Variants in RIPK1 observed in about 807,000 individuals in gnomAD.
The protein encoded by RIPK1 is receptor-interacting serine/threonine-protein kinase 1.
A neutral mutation model predicts 62.4 loss-of-function variants in RIPK1; 27 were observed. The ratio of observed to expected loss-of-function variants is 0.43; its 90% CI spans 0.32 to 0.60. The LOEUF (loss-of-function observed/expected upper bound fraction) is 0.60, where lower values mean the gene tolerates loss of function less well. RIPK1 is among the 20% of genes least tolerant of loss of function. The pLI, the probability that RIPK1 is intolerant of heterozygous loss-of-function variation, is 0.07. For synonymous variants in RIPK1, 287 were observed against 303.2 expected (o/e 0.95, Z 0.55); for missense variants, 735 against 831.0 (o/e 0.88, Z 1.42).
At chr6:3,101,936 C>G (rs112187830) in intron 7 of RIPK1, among the ~76,000 whole-genome samples, 1 of 152,166 alleles carries the variant, frequency 6.6e-6, no homozygotes, top group Non-Finnish European at 1.5e-5. Flanking sequence ...ACCTGCTAAA[C>G]GGTAACTCCC....
Position 3,077,803 on chromosome 6 carries a change from G to C in RIPK1, c.189G>C (p.Glu63Asp), listed in dbSNP as rs377207334. ...CIEHNEALLE[E>D]AKMMNRLRHS... ...GGCACAACGAGGCCCTCTTGGAGGA[G>C]GCGAAGATGATGAACAGACTGAGAC... The change falls in exon 3 of 11, where the codon GAG (glutamate) becomes GAC (aspartate). Residue 63 changes from glutamate to aspartate, a missense_variant. Glu to Asp is a conservative substitution (Grantham distance 45, BLOSUM62 2). Coordinates refer to ENST00000259808, the MANE Select transcript of RIPK1 (RefSeq NM_001354930.2). 1.2e-6 allele frequency: 2 copies of C among 1,614,106 alleles called. No individual in the cohort carries two copies. Among genetic ancestry groups the C allele is most frequent in the African/African-American group, 2.7e-5 (2 of 74,948 alleles).
Position 3,105,225 on chromosome 6 carries a change from T to G in RIPK1, c.1007-257T>G, listed in dbSNP as rs946130660. Among the ~76,000 whole-genome samples the G allele has an allele frequency of 6.6e-6, 1 of 152,160 alleles. No individual in the cohort carries two copies. The highest frequency in any genetic ancestry group is 1.9e-4 in the East Asian group (1 of 5,184). On this transcript the variant is annotated intron_variant, in intron 8 of 10. Transcript: ENST00000259808. This position sits in a 1 kb window ranked among gnomAD's most constrained non-coding sequence, Gnocchi z 4.5. The stretch of plus-strand genomic sequence containing the variant: ...TCTGCTCCAAACCAAGTCCCTTTTT[T>G]CCTTGATCATCCCTGCAACAGCCGC...
At chr6:3,103,954 A>G (rs1463452216) in intron 7 of RIPK1, among the ~76,000 whole-genome samples, 2 of 152,240 alleles carry the variant, frequency 1.3e-5, no homozygotes, top group Non-Finnish European at 2.9e-5. Context: ...CCCCACTGGC[A>G]TATGTGCCTG....
At chr6:3,085,734 T>TTC (rs1168115157) in intron 6 of RIPK1, among the ~76,000 whole-genome samples, 2 of 152,342 alleles carry the variant, frequency 1.3e-5, no homozygotes, top group Admixed American at 1.3e-4. Flanking sequence ...CCATAGTACA[T>TTC]TCACTTTCCA....
At chr6:3,101,408 C>T (rs986897069) in intron 7 of RIPK1, among the ~76,000 whole-genome samples, 1 of 152,144 alleles carries the variant, frequency 6.6e-6, no homozygotes, top group Non-Finnish European at 1.5e-5. Context: ...TGAGCTATGA[C>T]CATGCCACTG....
In RIPK1 at chr6:3,094,171, C is replaced by A. The variant is rs5029674; in HGVS notation, c.915+4514C>A. Reference sequence around the variant, plus strand: ...TACCTGCCGCACCTAGTAACTGTAGCGTACCTACCTGCTGCACCTAGTAAC... The same window carrying A: ...TACCTGCCGCACCTAGTAACTGTAGAGTACCTACCTGCTGCACCTAGTAAC... On this transcript the variant is annotated intron_variant, in intron 7 of 10. Coordinates refer to ENST00000259808, the MANE Select transcript of RIPK1 (RefSeq NM_001354930.2). 2.4e-3 allele frequency among the ~76,000 whole-genome samples: 309 copies of A among 126,582 alleles called. 17 individuals carry two copies. The highest frequency in any genetic ancestry group is 8.2e-3 in the Admixed American group (114 of 13,846). 83.0% of individuals were successfully genotyped at this position (126,582 alleles called of 152,430 possible).
intron 5 of RIPK1, among the ~76,000 whole-genome samples, chr6:3,084,299 A>G (rs1759574649): frequency 6.6e-6 from 1 of 152,090 alleles, no homozygotes. Flanking sequence ...CTTCAGGATG[A>G]AGTTCGAATT....
chr6:3,112,214 A>T (rs2113722827), intron 10 of RIPK1, among the ~76,000 whole-genome samples: 1 of 152,296 alleles, frequency 6.6e-6, no homozygotes, highest in East Asian at 1.9e-4. Context: ...CGCTTGAAAG[A>T]CAAGGAAGGC....
rs759690606 is a variant in RIPK1 at position 3,076,699 on chromosome 6, C to CATACATATATATAT, written c.-60-62_-60-61insCATATATATATATA. 3.4e-4 allele frequency: 75 copies of CATACATATATATAT among 217,770 alleles called. 3 individuals are homozygous for CATACATATATATAT. Among genetic ancestry groups the CATACATATATATAT allele is most frequent in the African/African-American group, 2.8e-3 (67 of 24,188 alleles). The allele number at this position is 217,770 out of a possible 1,614,324, so 13.5% of individuals were successfully genotyped here. On this transcript the variant is annotated intron_variant, in intron 1 of 10. Coordinates refer to ENST00000259808, the MANE Select transcript of RIPK1 (RefSeq NM_001354930.2). ...TGTCTCCAAAGGAGAAAAAAAAAAA[C>CATACATATATATAT]ATATATATATATATATATATATATA...
intron 1 of RIPK1, among the ~76,000 whole-genome samples, chr6:3,069,271 G>A (rs960935435): frequency 6.6e-6 from 1 of 152,252 alleles, no homozygotes; most frequent in African/African-American, 2.4e-5. Context: ...TGAGGCCGCA[G>A]CAGGTTCCAA....
intron 10 of RIPK1, among the ~76,000 whole-genome samples, chr6:3,111,858 C>A (rs1761175323): frequency 6.6e-6 from 1 of 152,266 alleles, no homozygotes; most frequent in Middle Eastern, 3.4e-3. Flanking sequence ...TGGAAAATAT[C>A]TTGGGAAGTT....
intron 9 of RIPK1, among the ~76,000 whole-genome samples, chr6:3,109,606 C>T (rs1473893319): frequency 6.6e-6 from 1 of 152,180 alleles, no homozygotes; most frequent in East Asian, 1.9e-4. Context: ...CTTCTGTTTT[C>T]TGACTTGGTG....
chr6:3,095,090 A>T (rs1760218213), intron 7 of RIPK1, among the ~76,000 whole-genome samples: 1 of 152,020 alleles, frequency 6.6e-6, no homozygotes, highest in Non-Finnish European at 1.5e-5. Flanking sequence ...ACTGACAAAA[A>T]AGGAGACAAG....
intron 7 of RIPK1, among the ~76,000 whole-genome samples, chr6:3,096,304 A>G (rs564697275): frequency 6.6e-6 from 1 of 152,340 alleles, no homozygotes; most frequent in African/African-American, 2.4e-5. Flanking sequence ...GGATGTGTAC[A>G]TAGAAAAACT....
chr6:3,080,031 TC>T (rs1479391305), intron 3 of RIPK1, among the ~76,000 whole-genome samples: 1 of 152,200 alleles, frequency 6.6e-6, no homozygotes, highest in Non-Finnish European at 1.5e-5. Context: ...CTTTGCTTAC[TC>T]AGAAGTTTTT....
At chr6:3,111,943 G>A (rs1581445301) in intron 10 of RIPK1, among the ~76,000 whole-genome samples, 1 of 152,220 alleles carries the variant, frequency 6.6e-6, no homozygotes, top group Non-Finnish European at 1.5e-5. Context: ...AAGAAGAGAG[G>A]TGGGAAGGAA....
chr6:3,105,400 C>A lies in RIPK1; in HGVS notation c.1007-82C>A. On this transcript the variant is annotated intron_variant, in intron 8 of 10. Coordinates refer to ENST00000259808, the MANE Select transcript of RIPK1 (RefSeq NM_001354930.2). The surrounding 1 kb of genome is among the most constrained non-coding windows in gnomAD (Gnocchi z 4.5). ...GTTTTCTGTGTGTTACTTTGAGATACAGATTCATGACGGCGCTCAGATTTT... is the reference window on the plus strand; with the variant it reads ...GTTTTCTGTGTGTTACTTTGAGATAAAGATTCATGACGGCGCTCAGATTTT... 2 of 1,100,166 alleles carry A rather than the reference C, an allele frequency of 1.8e-6. No individual in the cohort carries two copies. Among genetic ancestry groups the A allele is most frequent in the Non-Finnish European group, 2.6e-6 (2 of 759,764 alleles). 68.2% of individuals were successfully genotyped at this position (1,100,166 alleles called of 1,614,324 possible).
In RIPK1 at chr6:3,076,699, C is replaced by CATACATATATATATATATATA. The variant is rs759690606; in HGVS notation, c.-60-62_-60-61insCATATATATATATATATAATA. 7.3e-3 allele frequency: 1,589 copies of CATACATATATATATATATATA among 217,668 alleles called. 29 individuals are homozygous for CATACATATATATATATATATA. The highest frequency in any genetic ancestry group is 0.012 in the Admixed American group (162 of 13,370). 13.5% of individuals were successfully genotyped at this position (217,668 alleles called of 1,614,324 possible). The stretch of plus-strand genomic sequence containing the variant: ...TGTCTCCAAAGGAGAAAAAAAAAAA[C>CATACATATATATATATATATA]ATATATATATATATATATATATATA... On this transcript the variant is annotated intron_variant, in intron 1 of 10. Coordinates refer to ENST00000259808, the MANE Select transcript of RIPK1 (RefSeq NM_001354930.2).
In RIPK1 at chr6:3,077,840, G is replaced by C; in HGVS notation, c.226G>C (p.Val76Leu). The change falls in exon 3 of 11, where the codon GTG (valine) becomes CTG (leucine). Residue 76 changes from valine (V) to leucine (L), a missense_variant. By Grantham distance (32) the Val-to-Leu change is conservative. Coordinates refer to ENST00000259808, the MANE Select transcript of RIPK1 (RefSeq NM_001354930.2). ...GAACAGACTGAGACACAGCCGGGTG[G>C]TGAAGCTCCTGGGCGTCATCATAGA... is the stretch of plus-strand genomic sequence containing the variant. Reference protein sequence around the residue: ...MMNRLRHSRVVKLLGVIIEEG... With the variant: ...MMNRLRHSRVLKLLGVIIEEG... The C allele has an allele frequency of 6.2e-7, 1 of 1,614,240 alleles. No individual in the cohort carries two copies. Among genetic ancestry groups the C allele is most frequent in the South Asian group, 1.1e-5 (1 of 91,092 alleles).
Sources: gnomAD v4.1 joint callset for allele counts (sites outside exome capture counted in the v4.1 genomes callset) on GRCh38, gnomAD v4.1.1 for gene constraint, Gnocchi (gnomAD v3.1) non-coding constraint, MANE v1.5 for transcripts, NCBI Gene and HGNC (gene_info 2026-07-23, HGNC 2026-07-21) for gene names.